The following HIVEP3 variants were observed in gnomAD, a reference collection of about 807,000 sequenced individuals.
HIVEP3 encodes transcription factor HIVEP3.
Under a neutral mutation model 152.8 loss-of-function variants are expected in HIVEP3, and 49 were observed. That is an observed-to-expected ratio of 0.32 (90% CI 0.26 to 0.41). HIVEP3 has a LOEUF of 0.41. HIVEP3 is among the 10% of genes least tolerant of loss of function. The pLI is 1.00. For missense variants in HIVEP3, 2,790 were observed against 3,103.3 expected (o/e 0.90, Z 2.40); for synonymous variants, 1,269 against 1,289.0 (o/e 0.98, Z 0.33).
intron 1 of HIVEP3, among the ~76,000 whole-genome samples, chr1:41,878,372 C>T (rs1644204295): frequency 6.6e-6 from 1 of 152,114 alleles, no homozygotes; most frequent in South Asian, 2.1e-4. Flanking sequence ...ATATGAGGGT[C>T]CTGCTGTATT....
chr1:41,724,275 T>C (rs901472797), intron 1 of HIVEP3, among the ~76,000 whole-genome samples: 3 of 152,212 alleles, frequency 2.0e-5, no homozygotes, highest in Non-Finnish European at 2.9e-5. Context: ...TTCTGTATGT[T>C]CCCACCCCTC....
At chr1:41,772,243 G>A (rs1412358061) in intron 1 of HIVEP3, among the ~76,000 whole-genome samples, 2 of 152,178 alleles carry the variant, frequency 1.3e-5, no homozygotes, top group African/African-American at 4.8e-5. Flanking sequence ...CCCATTTGCC[G>A]TCAACACCTT....
At chr1:41,598,910 G>A (rs973410085) in intron 3 of HIVEP3, among the ~76,000 whole-genome samples, 1 of 151,812 alleles carries the variant, frequency 6.6e-6, no homozygotes, top group East Asian at 1.9e-4. Context: ...CCACCTCCTG[G>A]GCTCAGGTGA....
At chr1:41,733,466 C>T (rs1467205873) in intron 1 of HIVEP3, among the ~76,000 whole-genome samples, 1 of 152,234 alleles carries the variant, frequency 6.6e-6, no homozygotes, top group Non-Finnish European at 1.5e-5. Flanking sequence ...TAGTGGCCAT[C>T]CAGCCTCTCC....
chr1:41,711,983 C>T (rs992209000), intron 1 of HIVEP3, among the ~76,000 whole-genome samples: 12 of 152,198 alleles, frequency 7.9e-5, no homozygotes, highest in African/African-American at 2.7e-4. Context: ...GGTGCAGAAA[C>T]GCCAGCCAGC....
chr1:41,628,774 G>T lies in HIVEP3; in HGVS notation c.-547C>A. ...CTGTGCTGAAGGCACCACTTCCGAT[G>T]ACCAAAACTGAAACGCTGTTCTCTC... On this transcript the variant is annotated 5_prime_UTR_variant, in exon 3 of 9. Transcript: ENST00000372583. 1.6e-6 allele frequency: 2 copies of T among 1,232,128 alleles called. No homozygotes were observed. The highest frequency in any genetic ancestry group is 2.0e-6 in the Non-Finnish European group (2 of 987,974). 76.3% of individuals were successfully genotyped at this position (1,232,128 alleles called of 1,614,324 possible). A position where few individuals can be genotyped will look rare whatever the true frequency, so the allele number is the denominator to read the frequency against.
chr1:41,850,327 A>G (rs1643561590), intron 1 of HIVEP3, among the ~76,000 whole-genome samples: 1 of 152,186 alleles, frequency 6.6e-6, no homozygotes, highest in Non-Finnish European at 1.5e-5. Flanking sequence ...AGGCCACCAC[A>G]CACACAAAGA....
At chr1:41,976,384 C>G (rs896234206) in intron 1 of HIVEP3, among the ~76,000 whole-genome samples, 1 of 152,208 alleles carries the variant, frequency 6.6e-6, no homozygotes, top group South Asian at 2.1e-4. Context: ...AACTCCCAAT[C>G]CTTAGCCTGC....
At chr1:41,739,883 C>CCATGACATTCCTA (rs1646971682) in intron 1 of HIVEP3, among the ~76,000 whole-genome samples, 1 of 152,206 alleles carries the variant, frequency 6.6e-6, no homozygotes, top group African/African-American at 2.4e-5. Flanking sequence ...AGCACAGTGG[C>CCATGACATTCCTA]CATGACATTC....
At chr1:41,748,545 T>G (rs565795141) in intron 1 of HIVEP3, among the ~76,000 whole-genome samples, 1 of 152,210 alleles carries the variant, frequency 6.6e-6, no homozygotes, top group Non-Finnish European at 1.5e-5. Flanking sequence ...ATCACCATCA[T>G]GGCAACAATA....
intron 5 of HIVEP3, among the ~76,000 whole-genome samples, chr1:41,569,109 G>GCCA (rs2149095207): frequency 6.6e-6 from 1 of 152,318 alleles, no homozygotes; most frequent in Non-Finnish European, 1.5e-5. Flanking sequence ...CTCCCCAGAA[G>GCCA]CCGAGCAGAT....
At chr1:41,770,882 T>G (rs1234878076) in intron 1 of HIVEP3, among the ~76,000 whole-genome samples, 3 of 152,118 alleles carry the variant, frequency 2.0e-5, no homozygotes, top group African/African-American at 7.2e-5. Context: ...CACAGTAGCT[T>G]TGTAAGATGG....
chr1:41,927,346 G>A (rs1037257452), intron 1 of HIVEP3, among the ~76,000 whole-genome samples: 1 of 152,112 alleles, frequency 6.6e-6, no homozygotes, highest in African/African-American at 2.4e-5. Flanking sequence ...GTGTTTTGGG[G>A]GTGGGGTGGA....
intron 1 of HIVEP3, among the ~76,000 whole-genome samples, chr1:41,946,317 A>C (rs988065375): frequency 2.0e-5 from 3 of 152,206 alleles, no homozygotes; most frequent in African/African-American, 7.2e-5. Flanking sequence ...GCCCGGGGCA[A>C]GTGCCAGCCC....
chr1:41,952,869 A>G (rs183143164), intron 1 of HIVEP3, among the ~76,000 whole-genome samples: 5 of 152,176 alleles, frequency 3.3e-5, no homozygotes, highest in Admixed American at 3.3e-4. Flanking sequence ...TTAGTATACA[A>G]GTCAAATCAT....
At chr1:41,768,357 G>T (rs1648139589) in intron 1 of HIVEP3, among the ~76,000 whole-genome samples, 1 of 152,212 alleles carries the variant, frequency 6.6e-6, no homozygotes, top group African/African-American at 2.4e-5. Context: ...GCAGGAGAAA[G>T]ACCTGACCCC....
intron 1 of HIVEP3, among the ~76,000 whole-genome samples, chr1:41,821,998 G>A (rs966813528): frequency 3.3e-5 from 5 of 152,190 alleles, no homozygotes; most frequent in South Asian, 4.1e-4. Flanking sequence ...AAACCACTCC[G>A]AAATGCAGTG....
intron 1 of HIVEP3, among the ~76,000 whole-genome samples, chr1:41,824,784 T>TAGAGAGAG (rs397979993): frequency 0.017 from 191 of 11,178 alleles, 2 homozygotes; most frequent in Non-Finnish European, 0.025. Context: ...TATATATATA[T>TAGAGAGAG]AGAGAGAGAG....
chr1:41,968,090 T>C (rs533642446), intron 1 of HIVEP3, among the ~76,000 whole-genome samples: 1 of 152,098 alleles, frequency 6.6e-6, no homozygotes, highest in Non-Finnish European at 1.5e-5. Context: ...CAGGGCCAGA[T>C]AGATTTATAG....
Sources: allele counts gnomAD v4.1 joint callset (sites outside exome capture counted in the v4.1 genomes callset), GRCh38; gene constraint gnomAD v4.1.1; transcripts MANE v1.5; gene names NCBI Gene and HGNC (gene_info 2026-07-23, HGNC 2026-07-21).